Variants in CWC27 observed in about 807,000 individuals in gnomAD.
CWC27 encodes CWC27 spliceosome associated cyclophilin, also known as spliceosome-associated protein CWC27 homolog.
Under a neutral mutation model 63.6 loss-of-function variants are expected in CWC27, and 47 were observed. The observed-to-expected ratio is 0.74, with a 90% CI of 0.58 to 0.94. The LOEUF is 0.94. Among genes scored for constraint, CWC27 ranks in the 40% least tolerant of loss-of-function variants. CWC27 has a pLI of 0.00. For synonymous variants in CWC27, 175 were observed against 179.8 expected (o/e 0.97, Z 0.22); for missense variants, 495 against 554.3 (o/e 0.89, Z 1.07).
intron 10 of CWC27, among the ~76,000 whole-genome samples, chr5:64,883,128 C>T (rs1161978652): frequency 6.6e-6 from 1 of 152,090 alleles, no homozygotes; most frequent in Non-Finnish European, 1.5e-5. Flanking sequence ...AGTGGAAATA[C>T]CAAATGCTTA....
intron 13 of CWC27, among the ~76,000 whole-genome samples, chr5:65,007,691 A>T (rs933309486): frequency 6.8e-6 from 1 of 147,610 alleles, no homozygotes; most frequent in African/African-American, 2.5e-5. Flanking sequence ...GCAGTGGCAC[A>T]ATCTCCCCTC....
intron 11 of CWC27, among the ~76,000 whole-genome samples, chr5:64,919,770 G>T (rs1259137178): frequency 1.3e-5 from 2 of 152,152 alleles, no homozygotes; most frequent in African/African-American, 2.4e-5. Flanking sequence ...TGGGCACCTT[G>T]GTTGATTCCA....
intron 11 of CWC27, among the ~76,000 whole-genome samples, chr5:64,950,682 C>A (rs550841438): frequency 6.6e-6 from 1 of 152,016 alleles, no homozygotes; most frequent in Admixed American, 6.6e-5. Context: ...GTAGGCAATT[C>A]AATGAGATTT....
intron 12 of CWC27, among the ~76,000 whole-genome samples, chr5:64,974,228 A>C (rs1308455699): frequency 1.3e-5 from 2 of 151,554 alleles, no homozygotes; most frequent in Admixed American, 1.3e-4. Flanking sequence ...ACAGAGTGAG[A>C]CTCTATCTCT....
chr5:64,935,194 A>G (rs1001049530), intron 11 of CWC27, among the ~76,000 whole-genome samples: 1 of 152,220 alleles, frequency 6.6e-6, no homozygotes, highest in African/African-American at 2.4e-5. Context: ...TATGTCCTGA[A>G]TGGTAATGCC....
rs1279127486 is a variant in CWC27 at position 64,921,303 on chromosome 5, G to A, written c.1042+35757G>A. ...GCTCTGTGATCTGAGAGTGTAGTTA[G>A]TATGGTTTTGATTTTTTTTTAATTT... On this transcript the variant is annotated intron_variant, in intron 11 of 13. Transcript: ENST00000381070. 7.2e-5 allele frequency among the ~76,000 whole-genome samples: 11 copies of A among 152,148 alleles called. No individual in the cohort carries two copies. In the East Asian group the frequency reaches 1.5e-3, roughly 21 times the overall value.
At chr5:64,976,590 T>C (rs1322493258) in intron 12 of CWC27, among the ~76,000 whole-genome samples, 1 of 152,136 alleles carries the variant, frequency 6.6e-6, no homozygotes, top group Non-Finnish European at 1.5e-5. Context: ...TGGAGTGCAG[T>C]GGCACAATCA....
intron 10 of CWC27, among the ~76,000 whole-genome samples, chr5:64,812,490 A>G (rs946588104): frequency 6.6e-6 from 1 of 152,172 alleles, no homozygotes; most frequent in Non-Finnish European, 1.5e-5. Context: ...GTCTCTGAAT[A>G]AAGAAAATTT....
At position 65,018,681 on chromosome 5, in the gene CWC27, A is replaced by C. The variant is rs1750095747; in HGVS notation, c.*360A>C. 6.5e-6 allele frequency: 1 copy of C among 153,110 alleles called. No homozygotes were observed. Among genetic ancestry groups the C allele is most frequent in the African/African-American group, 2.4e-5 (1 of 41,480 alleles). The allele number at this position is 153,110 out of a possible 1,614,324, so 9.5% of individuals were successfully genotyped here. On this transcript the variant is annotated 3_prime_UTR_variant, in exon 14 of 14. Transcript: ENST00000381070. ...ATTTTTTTATAAGAAGTTCCTACAG[A>C]AAGAATATTTGTGGGAAACCTCCCT... is the stretch of plus-strand genomic sequence containing the variant.
chr5:64,909,143 A>G (rs1327475353), intron 11 of CWC27, among the ~76,000 whole-genome samples: 1 of 152,144 alleles, frequency 6.6e-6, no homozygotes, highest in Non-Finnish European at 1.5e-5. Context: ...TCACTTATGA[A>G]GTTTAGTTTG....
At chr5:64,824,848 TC>T (rs1028423659) in intron 10 of CWC27, among the ~76,000 whole-genome samples, 2 of 147,584 alleles carry the variant, frequency 1.4e-5, no homozygotes, top group African/African-American at 5.0e-5. Flanking sequence ...TTCTCCTGCC[TC>T]AGCCTCCCTA....
At chr5:64,925,757 T>C (rs1748097882) in intron 11 of CWC27, among the ~76,000 whole-genome samples, 2 of 152,240 alleles carry the variant, frequency 1.3e-5, no homozygotes, top group East Asian at 3.8e-4. Flanking sequence ...CAGTAAAATC[T>C]GTATTTCAAG....
chr5:64,811,421 G>A (rs187081833), intron 10 of CWC27, among the ~76,000 whole-genome samples: 2 of 151,966 alleles, frequency 1.3e-5, no homozygotes, highest in East Asian at 3.9e-4. Context: ...CTTTTATTGT[G>A]CAATTTCTAT....
intron 10 of CWC27, among the ~76,000 whole-genome samples, chr5:64,821,680 A>G (rs1354911392): frequency 6.6e-6 from 1 of 152,186 alleles, no homozygotes; most frequent in Non-Finnish European, 1.5e-5. Context: ...TCAGAGTGGT[A>G]TTGCAAAAAG....
chr5:64,796,730 C>A (rs1744279107), intron 7 of CWC27, among the ~76,000 whole-genome samples: 1 of 151,110 alleles, frequency 6.6e-6, no homozygotes, highest in Admixed American at 6.6e-5. Context: ...AATGTTGCTC[C>A]TGTGTCCCTT....
chr5:64,971,874 C>A, intron 12 of CWC27, 62 bp downstream of exon 12: 1 of 991,652 alleles, frequency 1.0e-6, no homozygotes, highest in South Asian at 1.8e-5. Flanking sequence ...TTAAGTGTTT[C>A]TAAATGGAGC....
intron 10 of CWC27, among the ~76,000 whole-genome samples, chr5:64,835,506 C>T (rs1745637689): frequency 6.6e-6 from 1 of 151,716 alleles, no homozygotes; most frequent in African/African-American, 2.4e-5. Context: ...TTCCACTTTC[C>T]ATTATGTAAA....
At chr5:64,972,853 C>T (rs1749151570) in intron 12 of CWC27, among the ~76,000 whole-genome samples, 1 of 152,148 alleles carries the variant, frequency 6.6e-6, no homozygotes, top group Non-Finnish European at 1.5e-5. Flanking sequence ...CACATCCCTG[C>T]TCTCTCTGAT....
In CWC27 at chr5:64,794,431, T is replaced by G. The variant is rs139605929; in HGVS notation, c.669+5411T>G. ...AATCAGCTGAATAGGTATGACATAATAGCCTGTGAGTCCTAGTTGAATTAC... is the reference window on the plus strand; with the variant it reads ...AATCAGCTGAATAGGTATGACATAAGAGCCTGTGAGTCCTAGTTGAATTAC... On this transcript the variant is annotated intron_variant, in intron 7 of 13. Transcript: ENST00000381070. Among the ~76,000 whole-genome samples the G allele has an allele frequency of 1.9e-3, 295 of 152,244 alleles. 1 individual carries two copies. Among genetic ancestry groups the G allele is most frequent in the African/African-American group, 5.4e-3 (226 of 41,564 alleles).
Sources: gnomAD v4.1 joint callset for allele counts (sites outside exome capture counted in the v4.1 genomes callset) on GRCh38, gnomAD v4.1.1 for gene constraint, MANE v1.5 for transcripts, NCBI Gene and HGNC (gene_info 2026-07-23, HGNC 2026-07-21) for gene names.